The following CLDN16 variants were observed in gnomAD, a reference collection of about 807,000 sequenced individuals.
CLDN16 encodes the protein claudin 16.
CLDN16 carries 13 observed loss-of-function variants against 24.6 expected under a neutral mutation model. The observed-to-expected ratio is 0.53, with a 90% CI of 0.34 to 0.84. The LOEUF (loss-of-function observed/expected upper bound fraction) is 0.84, where lower values mean the gene tolerates loss of function less well. CLDN16 is among the 40% of genes least tolerant of loss of function. CLDN16 has a pLI of 0.01. For missense variants in CLDN16, 298 were observed against 292.7 expected (o/e 1.02, Z -0.13); for synonymous variants, 116 against 106.7 (o/e 1.09, Z -0.54).
chr3:190,389,878 A>G (rs949220324), intron 1 of CLDN16, among the ~76,000 whole-genome samples: 5 of 152,244 alleles, frequency 3.3e-5, no homozygotes, highest in Non-Finnish European at 5.9e-5. Flanking sequence ...AAAAAAATGT[A>G]AAATCCCATC....
At chr3:190,335,581 G>A (rs1443091110) in intron 1 of CLDN16, among the ~76,000 whole-genome samples, 3 of 151,896 alleles carry the variant, frequency 2.0e-5, no homozygotes, top group African/African-American at 7.3e-5. Flanking sequence ...GCGTGGTGGT[G>A]CATGCCTGTA....
In CLDN16 at chr3:190,410,120, A is replaced by T; in HGVS notation, c.*84A>T. The T allele has an allele frequency of 1.4e-6, 2 of 1,439,428 alleles. No individual in the cohort carries two copies. The highest frequency in any genetic ancestry group is 2.0e-6 in the Non-Finnish European group (2 of 1,021,598). The allele number at this position is 1,439,428 out of a possible 1,614,324, so 89.2% of individuals were successfully genotyped here. ...TAAAATAGTAAGTCAATCCAGGAACAGTTATTTAGAATTCATATTGAATTA... is the reference window on the plus strand; with the variant it reads ...TAAAATAGTAAGTCAATCCAGGAACTGTTATTTAGAATTCATATTGAATTA... On this transcript the variant is annotated 3_prime_UTR_variant, in exon 5 of 5. Coordinates refer to ENST00000264734, the MANE Select transcript of CLDN16 (RefSeq NM_006580.4).
At chr3:190,315,178 G>A in the CLDN16 span, among the ~76,000 whole-genome samples, 1 of 152,142 alleles carries the variant, frequency 6.6e-6, no homozygotes, top group Non-Finnish European at 1.5e-5. Context: ...GATTACACTT[G>A]GCAGGAAAAT....
At chr3:190,355,727 G>C (rs973461105) in intron 1 of CLDN16, among the ~76,000 whole-genome samples, 4 of 151,762 alleles carry the variant, frequency 2.6e-5, no homozygotes, top group Non-Finnish European at 5.9e-5. Flanking sequence ...ATATTCACAT[G>C]CATTGAGATT....
At chr3:190,409,879 T>A in intron 4 of CLDN16, 24 bp from the exon 5 acceptor site, 2 of 1,611,516 alleles carry the variant, frequency 1.2e-6, no homozygotes, top group Non-Finnish European at 1.7e-6. Flanking sequence ...GAGTTCTACT[T>A]ATTTTTATAT....
intron 4 of CLDN16, among the ~76,000 whole-genome samples, chr3:190,408,810 T>A (rs141910108): frequency 4.1e-5 from 6 of 145,910 alleles, no homozygotes; most frequent in African/African-American, 1.5e-4. Flanking sequence ...ACATACCGTA[T>A]ATATACTATA....
chr3:190,361,996 C>CACCTGGTCTAACCAGTCTAACCAGTCTA (rs1293907200), intron 1 of CLDN16, among the ~76,000 whole-genome samples: 21 of 139,236 alleles, frequency 1.5e-4, no homozygotes, highest in South Asian at 8.9e-4. Context: ...ACAAATGGCA[C>CACCTGGTCTAACCAGTCTAACCAGTCTA]ACCTGGTCTA....
At chr3:190,291,435 GA>G in the CLDN16 span, among the ~76,000 whole-genome samples, 43 of 152,210 alleles carry the variant, frequency 2.8e-4, no homozygotes, top group Non-Finnish European at 4.6e-4. Flanking sequence ...TAACAGAAGT[GA>G]AGAGAGAAGA....
chr3:190,347,589 G>C (rs147957067), intron 1 of CLDN16, among the ~76,000 whole-genome samples: 7 of 152,318 alleles, frequency 4.6e-5, no homozygotes, highest in East Asian at 1.9e-4. Flanking sequence ...TTGTGAATAA[G>C]ATAGGCAAGT....
chr3:190,321,917 G>A (rs2108616587), upstream of CLDN16: 2 of 1,153,800 alleles, frequency 1.7e-6, no homozygotes, highest in Non-Finnish European at 2.6e-6. Context: ...AACAGAATGA[G>A]CCCATAAGGG....
chr3:190,366,824 G>A (rs1718035471), intron 1 of CLDN16, among the ~76,000 whole-genome samples: 1 of 151,908 alleles, frequency 6.6e-6, no homozygotes, highest in Admixed American at 6.6e-5. Flanking sequence ...TGAGCAATCA[G>A]CATCTAAGTC....
At chr3:190,307,361 A>C in the CLDN16 span, 2 of 152,214 alleles carry the variant, frequency 1.3e-5, no homozygotes, top group African/African-American at 4.8e-5. Flanking sequence ...ACTATGAATA[A>C]GTAGCTTAAA....
the CLDN16 span, among the ~76,000 whole-genome samples, chr3:190,304,104 A>T: frequency 6.6e-6 from 1 of 152,192 alleles, no homozygotes; most frequent in Non-Finnish European, 1.5e-5. Flanking sequence ...CTCTCCTCTC[A>T]GAGGTTCTGA....
At chr3:190,404,723 C>A (rs2108673134) in intron 2 of CLDN16, 39 bp from the exon 3 acceptor site, 1 of 1,610,164 alleles carries the variant, frequency 6.2e-7, no homozygotes, top group South Asian at 1.1e-5. Context: ...ATGGTTCCTT[C>A]TTCTGACTCT....
chr3:190,409,258 A>ATATATGCACACATGTATATGTATGTG (rs1719203676), intron 4 of CLDN16, among the ~76,000 whole-genome samples: 3 of 151,692 alleles, frequency 2.0e-5, no homozygotes, highest in Non-Finnish European at 4.4e-5. Context: ...ATATGCATGT[A>ATATATGCACACATGTATATGTATGTG]TATATGCACA....
the CLDN16 span, among the ~76,000 whole-genome samples, chr3:190,301,584 TCA>T: frequency 3.3e-5 from 5 of 152,198 alleles, no homozygotes; most frequent in African/African-American, 1.2e-4. Context: ...CTGCTCTCTC[TCA>T]GTCTTTCCAC....
At chr3:190,342,192 T>C (rs966876585) in intron 1 of CLDN16, among the ~76,000 whole-genome samples, 1 of 152,184 alleles carries the variant, frequency 6.6e-6, no homozygotes, top group South Asian at 2.1e-4. Flanking sequence ...CCCACTCTGC[T>C]GGTACCAATT....
chr3:190,371,960 TG>T (rs1179748805), intron 2 of CLDN16, among the ~76,000 whole-genome samples: 1 of 151,934 alleles, frequency 6.6e-6, no homozygotes, highest in Non-Finnish European at 1.5e-5. Context: ...CATAAGTTTT[TG>T]CGTCTGTGCT....
intron 2 of CLDN16, 36 bp downstream of exon 2, chr3:190,402,475 G>C: frequency 6.7e-7 from 1 of 1,500,658 alleles, no homozygotes; most frequent in South Asian, 1.1e-5. Flanking sequence ...TTGCCAGGAA[G>C]GGAAAGGGAC....
Sources: allele counts gnomAD v4.1 joint callset (sites outside exome capture counted in the v4.1 genomes callset), GRCh38; gene constraint gnomAD v4.1.1; transcripts MANE v1.5; gene names NCBI Gene and HGNC (gene_info 2026-07-23, HGNC 2026-07-21).